SNX25: variants seen among roughly 807,000 people sequenced by gnomAD.
The protein encoded by SNX25 is sorting nexin 25.
Under a neutral mutation model 113.7 loss-of-function variants are expected in SNX25, and 62 were observed. The ratio of observed to expected loss-of-function variants is 0.55; its 90% CI spans 0.44 to 0.67. The LOEUF is 0.67. SNX25 is among the 30% of genes least tolerant of loss of function. The pLI, the probability that SNX25 is intolerant of heterozygous loss-of-function variation, is 0.00. For synonymous variants in SNX25, 421 were observed against 436.2 expected (o/e 0.97, Z 0.43); for missense variants, 1,014 against 1,161.0 (o/e 0.87, Z 1.84).
At chr4:185,226,978 G>A (rs921966626) in intron 1 of SNX25, among the ~76,000 whole-genome samples, 1 of 152,190 alleles carries the variant, frequency 6.6e-6, no homozygotes, top group African/African-American at 2.4e-5. Context: ...GGCTCCATGT[G>A]GAGACCATTG....
intron 2 of SNX25, among the ~76,000 whole-genome samples, chr4:185,255,894 G>C (rs183841032): frequency 9.8e-4 from 150 of 152,294 alleles, no homozygotes; most frequent in Non-Finnish European, 1.5e-3. Flanking sequence ...ACCCATTCCT[G>C]TTTTTGCAGT....
chr4:185,354,555 C>T (rs565262519), intron 15 of SNX25, among the ~76,000 whole-genome samples: 1 of 152,302 alleles, frequency 6.6e-6, no homozygotes, highest in Non-Finnish European at 1.5e-5. Context: ...GACAGTAATG[C>T]TGGAGTTGAG....
intron 6 of SNX25, among the ~76,000 whole-genome samples, chr4:185,310,036 C>T (rs1755024450): frequency 6.6e-6 from 1 of 152,204 alleles, no homozygotes; most frequent in Non-Finnish European, 1.5e-5. Context: ...CTTTGACACT[C>T]GCTATTCTTT....
At chr4:185,241,433 G>C (rs1743980592) in intron 1 of SNX25, among the ~76,000 whole-genome samples, 1 of 139,812 alleles carries the variant, frequency 7.2e-6, no homozygotes, top group Non-Finnish European at 1.6e-5. Flanking sequence ...CAGCAGTACA[G>C]TCCAGCTTTG....
chr4:185,323,826 C>CT, intron 9 of SNX25, 26 bp downstream of exon 9: 4 of 1,606,090 alleles, frequency 2.5e-6, no homozygotes, highest in Non-Finnish European at 3.4e-6. Flanking sequence ...CTTTCTGCTC[C>CT]TTTTTATTGG....
chr4:185,378,603 C>T, the SNX25 span: 8 of 994,432 alleles, frequency 8.0e-6, no homozygotes, highest in Admixed American at 5.9e-5. Context: ...TGACACTCAT[C>T]GGACGAATCC....
downstream of SNX25, chr4:185,367,297 TTTC>T (rs755336531): frequency 1.8e-5 from 26 of 1,469,542 alleles, no homozygotes; most frequent in Non-Finnish European, 2.3e-5. Context: ...TGTTTGGGTC[TTTC>T]TTCTTTTTTT....
chr4:185,274,092 A>C (rs1749323622), intron 5 of SNX25, among the ~76,000 whole-genome samples: 1 of 147,004 alleles, frequency 6.8e-6, no homozygotes, highest in African/African-American at 2.5e-5. Context: ...ATGGAGTCTC[A>C]CTCTGTCACC....
intron 6 of SNX25, among the ~76,000 whole-genome samples, chr4:185,301,422 C>T (rs1336371310): frequency 2.6e-5 from 4 of 152,112 alleles, no homozygotes; most frequent in African/African-American, 9.7e-5. Flanking sequence ...GACGGAGTCT[C>T]ACTCTGTCAC....
chr4:185,323,670 A>G lies in SNX25; in HGVS notation c.1619A>G (p.Gln540Arg). 2 of 1,613,838 alleles carry G rather than the reference A, an allele frequency of 1.2e-6. No homozygotes were observed. The highest frequency in any genetic ancestry group is 1.7e-6 in the Non-Finnish European group (2 of 1,179,848). Residue 540 changes from glutamine (Q) to arginine (R), a missense_variant, in exon 9 of 19, where the codon CAG becomes CGG. By Grantham distance (43) the Gln-to-Arg change is conservative. Coordinates refer to ENST00000652585, the MANE Select transcript of SNX25 (RefSeq NM_001378034.2). Reference protein sequence around the residue: ...NKGIEVFYKIQEDVYETLKDR... With the variant: ...NKGIEVFYKIREDVYETLKDR... ...GGTATTGAAGTATTCTACAAAATCCAGGAAGATGTTTATGAGACCCTAAAG... is the reference window on the plus strand; with the variant it reads ...GGTATTGAAGTATTCTACAAAATCCGGGAAGATGTTTATGAGACCCTAAAG...
At chr4:185,287,416 G>A (rs569666463) in intron 5 of SNX25, among the ~76,000 whole-genome samples, 2 of 152,266 alleles carry the variant, frequency 1.3e-5, no homozygotes, top group South Asian at 4.1e-4. Flanking sequence ...GCAATGAGGC[G>A]CTGCACTCAG....
At chr4:185,304,195 G>T (rs183176847) in intron 6 of SNX25, among the ~76,000 whole-genome samples, 15 of 152,208 alleles carry the variant, frequency 9.9e-5, no homozygotes, top group African/African-American at 3.6e-4. Flanking sequence ...ACCCAGGCTG[G>T]AACATAGAGA....
At chr4:185,296,641 T>C (rs899678348) in intron 6 of SNX25, among the ~76,000 whole-genome samples, 1 of 151,666 alleles carries the variant, frequency 6.6e-6, no homozygotes, top group Non-Finnish European at 1.5e-5. Flanking sequence ...AAAAAAAAAA[T>C]TTTTTTTGAG....
intron 1 of SNX25, among the ~76,000 whole-genome samples, chr4:185,211,243 T>G (rs1737738945): frequency 6.6e-6 from 1 of 152,188 alleles, no homozygotes; most frequent in African/African-American, 2.4e-5. Flanking sequence ...CTGAGTGTGT[T>G]AGTTCAGAAT....
In SNX25 at chr4:185,363,803, T is replaced by G. The variant is rs1220136836; in HGVS notation, c.*338T>G. ...GAACTATGAATATTGTACAGTTAAT[T>G]TCCTCACTGAGGACTGTGAACATTC... On this transcript the variant is annotated 3_prime_UTR_variant, in exon 19 of 19. Transcript: ENST00000652585. The surrounding 1 kb of genome is among the most constrained non-coding windows in gnomAD (Gnocchi z 4.2). 1.1e-5 allele frequency: 2 copies of G among 179,982 alleles called. No individual in the cohort carries two copies. The highest frequency in any genetic ancestry group is 1.1e-4 in the Admixed American group (2 of 17,690). The allele number at this position is 179,982 out of a possible 1,614,324, so 11.1% of individuals were successfully genotyped here.
At chr4:185,278,456 T>TAC (rs1254263596) in intron 5 of SNX25, among the ~76,000 whole-genome samples, 2 of 151,866 alleles carry the variant, frequency 1.3e-5, no homozygotes, top group African/African-American at 4.8e-5. Context: ...AAATACTTCC[T>TAC]ACTTCCTAGG....
At chr4:185,308,151 A>T (rs767683561) in intron 6 of SNX25, among the ~76,000 whole-genome samples, 3 of 152,068 alleles carry the variant, frequency 2.0e-5, no homozygotes, top group Non-Finnish European at 4.4e-5. Flanking sequence ...GCCTTCCCTC[A>T]CCCCAACCCT....
At position 185,339,467 on chromosome 4, in the gene SNX25, G is replaced by T. The variant is rs772117099; in HGVS notation, c.2003G>T (p.Cys668Phe). 1.2e-6 allele frequency: 2 copies of T among 1,614,094 alleles called. No homozygotes were observed. The highest frequency in any genetic ancestry group is 4.5e-5 in the East Asian group (2 of 44,878). The stretch of plus-strand genomic sequence containing the variant: ...CACATGGCAAGAACGGATTGGTGGT[G>T]TGAAAACCTTGGCATGTGGAAAGCC... ...QLHMARTDWW[C>F]ENLGMWKASI... The change falls in exon 11 of 19, where the codon TGT becomes TTT. Residue 668 changes from cysteine (C) to phenylalanine (F), a missense_variant. Cys to Phe is a radical substitution (Grantham distance 205). Transcript: ENST00000652585.
chr4:185,246,268 T>G (rs1304867616), intron 1 of SNX25, among the ~76,000 whole-genome samples: 1 of 152,198 alleles, frequency 6.6e-6, no homozygotes, highest in East Asian at 1.9e-4. Flanking sequence ...CACTCCAGCC[T>G]GGGCAACATG....
Sources: allele counts gnomAD v4.1 joint callset (sites outside exome capture counted in the v4.1 genomes callset), GRCh38; gene constraint gnomAD v4.1.1; non-coding constraint Gnocchi (gnomAD v3.1); transcripts MANE v1.5; gene names NCBI Gene and HGNC (gene_info 2026-07-23, HGNC 2026-07-21).